PPP1R12B: variants seen among roughly 807,000 people sequenced by gnomAD.
The protein encoded by PPP1R12B is protein phosphatase 1 regulatory subunit 12B.
In PPP1R12B, 76 loss-of-function variants were observed where a neutral mutation model predicts 126.1. That is an observed-to-expected ratio of 0.60 (90% CI 0.50 to 0.73). The LOEUF is 0.73. Ranked by LOEUF, PPP1R12B falls within the 30% of genes least tolerant of loss-of-function variation. The pLI, the probability that PPP1R12B is intolerant of heterozygous loss-of-function variation, is 0.00. For synonymous variants in PPP1R12B, 356 were observed against 434.7 expected, an observed-to-expected ratio of 0.82 and a Z score of 2.25; for missense variants, 1,052 against 1,205.1, an observed-to-expected ratio of 0.87 and a Z score of 1.88.
At chr1:202,466,529 C>A (rs1439633660) in intron 13 of PPP1R12B, among the ~76,000 whole-genome samples, 1 of 151,878 alleles carries the variant, frequency 6.6e-6, no homozygotes, top group Non-Finnish European at 1.5e-5. Flanking sequence ...TAGGACTCTC[C>A]CTAGCTGACC....
chr1:202,439,297 G>T, intron 10 of PPP1R12B: 1 of 1,421,744 alleles, frequency 7.0e-7, no homozygotes. Context: ...GGTGAGTACA[G>T]TGAGGCCATC....
intron 18 of PPP1R12B, among the ~76,000 whole-genome samples, chr1:202,548,672 C>CT (rs763980671): frequency 5.9e-5 from 9 of 151,606 alleles, no homozygotes; most frequent in Non-Finnish European, 7.4e-5. Context: ...TGGTGCATGC[C>CT]TGTAGTCCCA....
chr1:202,510,991 A>T (rs1277547494), intron 18 of PPP1R12B, among the ~76,000 whole-genome samples: 3 of 146,484 alleles, frequency 2.0e-5, no homozygotes, highest in African/African-American at 7.4e-5. Flanking sequence ...TTATATCCAA[A>T]TTTATACAAT....
chr1:202,488,085 G>A (rs1013467893), intron 13 of PPP1R12B, among the ~76,000 whole-genome samples: 3 of 152,178 alleles, frequency 2.0e-5, no homozygotes, highest in African/African-American at 7.2e-5. Flanking sequence ...CAAAATGCCA[G>A]CATCACTACT....
intron 13 of PPP1R12B, among the ~76,000 whole-genome samples, chr1:202,474,864 C>T (rs899897379): frequency 3.9e-5 from 6 of 152,076 alleles, no homozygotes; most frequent in African/African-American, 1.4e-4. Context: ...CATTATTACA[C>T]AAAGTTCTGT....
chr1:202,528,303 C>A (rs1213724412), intron 18 of PPP1R12B, among the ~76,000 whole-genome samples: 7 of 152,172 alleles, frequency 4.6e-5, no homozygotes, highest in Admixed American at 6.5e-5. Context: ...AGAACCATGC[C>A]TGGGGCACTC....
intron 1 of PPP1R12B, among the ~76,000 whole-genome samples, chr1:202,362,453 T>G (rs1321319110): frequency 6.6e-6 from 1 of 152,222 alleles, no homozygotes; most frequent in Non-Finnish European, 1.5e-5. Context: ...GTGAGCCGCA[T>G]CCATTCCAAC....
At chr1:202,377,892 T>G (rs993689656) in intron 1 of PPP1R12B, among the ~76,000 whole-genome samples, 2 of 128,446 alleles carry the variant, frequency 1.6e-5, no homozygotes, top group Non-Finnish European at 3.1e-5. Context: ...CAGGCTGGAG[T>G]GCAGTGGCGC....
intron 15 of PPP1R12B, among the ~76,000 whole-genome samples, chr1:202,494,466 G>A (rs1364833871): frequency 1.3e-5 from 2 of 151,644 alleles, no homozygotes; most frequent in East Asian, 1.9e-4. Flanking sequence ...TCACAAAAAT[G>A]TGTACAATCT....
intron 18 of PPP1R12B, among the ~76,000 whole-genome samples, chr1:202,527,108 G>A (rs1558334570): frequency 6.6e-6 from 1 of 152,086 alleles, no homozygotes; most frequent in Non-Finnish European, 1.5e-5. Flanking sequence ...ACAGAAAACA[G>A]AATAGCAGTA....
At chr1:202,547,873 T>C (rs903018742) in intron 18 of PPP1R12B, among the ~76,000 whole-genome samples, 4 of 152,144 alleles carry the variant, frequency 2.6e-5, no homozygotes, top group African/African-American at 9.7e-5. Flanking sequence ...CCAACAAACA[T>C]TGGGAGAGCC....
intron 14 of PPP1R12B, among the ~76,000 whole-genome samples, chr1:202,492,449 G>T (rs1333240793): frequency 1.3e-5 from 2 of 152,174 alleles, no homozygotes; most frequent in Non-Finnish European, 2.9e-5. Context: ...AACTACTTGA[G>T]TTGGAATCAG....
rs369181274 is a variant in PPP1R12B, at chr1:202,440,689, T to G, written c.1459-17T>G. 6 of 1,595,878 alleles carry G rather than the reference T, an allele frequency of 3.8e-6. No homozygotes were observed. The highest frequency in any genetic ancestry group is 5.2e-6 in the Non-Finnish European group (6 of 1,163,976). On this transcript the variant is annotated splice_polypyrimidine_tract_variant and intron_variant, in intron 10 of 23. Coordinates refer to ENST00000608999, the MANE Select transcript of PPP1R12B (RefSeq NM_002481.4). ...GTATTGTACCTTTCTTGTGCTTTAC[T>G]TGTTTTTATTTTACAGGAGAGAGAA...
chr1:202,438,332 GGGGGCACAGGACCCCAGGTA>G (rs1671101589), intron 10 of PPP1R12B: 6 of 1,236,674 alleles, frequency 4.9e-6, no homozygotes, highest in Non-Finnish European at 6.7e-6. Context: ...TATGGCGGAG[GGGGGCACAGGACCCCAGGTA>G]GGGGTCCTGG....
At chr1:202,383,011 G>A (rs1004900408) in intron 1 of PPP1R12B, among the ~76,000 whole-genome samples, 2 of 152,000 alleles carry the variant, frequency 1.3e-5, no homozygotes, top group African/African-American at 2.4e-5. Flanking sequence ...GTTTCATTAT[G>A]TAGAGATAGT....
intron 18 of PPP1R12B, among the ~76,000 whole-genome samples, chr1:202,519,081 A>G (rs1682475334): frequency 6.6e-6 from 1 of 152,134 alleles, no homozygotes; most frequent in African/African-American, 2.4e-5. Context: ...GATTATGGCT[A>G]GCTGTGTGCC....
intron 18 of PPP1R12B, among the ~76,000 whole-genome samples, chr1:202,511,828 G>C (rs1348799045): frequency 2.1e-5 from 3 of 144,968 alleles, no homozygotes; most frequent in African/African-American, 7.8e-5. Flanking sequence ...CCAGGCTGGA[G>C]TGCAATGACA....
At chr1:202,429,877 T>C (rs1316941231) in intron 6 of PPP1R12B, among the ~76,000 whole-genome samples, 3 of 152,302 alleles carry the variant, frequency 2.0e-5, no homozygotes, top group South Asian at 4.1e-4. Context: ...CAGCATTATG[T>C]CTGGTATGGT....
intron 18 of PPP1R12B, 69 bp from the exon 19 acceptor site, chr1:202,558,808 A>G (rs1246499216): frequency 3.9e-5 from 39 of 997,600 alleles, no homozygotes; most frequent in Non-Finnish European, 5.6e-5. Context: ...AATACAAATC[A>G]GTCTCTTGCT....
Sources: gnomAD v4.1 joint callset for allele counts (sites outside exome capture counted in the v4.1 genomes callset) on GRCh38, gnomAD v4.1.1 for gene constraint, MANE v1.5 for transcripts, NCBI Gene and HGNC (gene_info 2026-07-23, HGNC 2026-07-21) for gene names.